Variants in ARMC6 observed in about 807,000 individuals in gnomAD.
ARMC6 encodes the protein armadillo repeat containing 6, also known as armadillo repeat-containing protein 6.
Under a neutral mutation model 49.2 loss-of-function variants are expected in ARMC6, and 43 were observed. The ratio of observed to expected loss-of-function variants is 0.87; its 90% CI spans 0.69 to 1.13. The LOEUF is 1.13. Among genes scored for constraint, ARMC6 ranks in the 50% most tolerant of loss-of-function variants. The pLI is 0.00. For missense variants in ARMC6, 627 were observed against 682.0 expected (o/e 0.92, Z 0.90); for synonymous variants, 262 against 289.6 (o/e 0.90, Z 0.97).
At chr19:19,051,006 A>T (rs1403869319) in intron 4 of ARMC6, among the ~76,000 whole-genome samples, 1 of 152,234 alleles carries the variant, frequency 6.6e-6, no homozygotes, top group African/African-American at 2.4e-5. Flanking sequence ...TTGAATTTGG[A>T]TAAATCTGCT....
In ARMC6 at chr19:19,055,127, AC is replaced by A. The variant is rs2059532335; in HGVS notation, c.1024-134del. On this transcript the variant is annotated intron_variant, in intron 6 of 8. Coordinates refer to ENST00000535612, the MANE Select transcript of ARMC6 (RefSeq NM_001199196.2). The surrounding 1 kb of genome is among the most constrained non-coding windows in gnomAD (Gnocchi z 5.7). ...GCAGCCTGAGCCACAGGCATCTGCC[AC>A]CCCTTCTCGTTAGTCACACCCTGCA... The A allele has an allele frequency of 8.7e-7, 1 of 1,144,072 alleles. No individual in the cohort carries two copies. Among genetic ancestry groups the A allele is most frequent in the Non-Finnish European group, 1.2e-6 (1 of 836,782 alleles). 70.9% of individuals were successfully genotyped at this position (1,144,072 alleles called of 1,614,324 possible). A position where few individuals can be genotyped will look rare whatever the true frequency, so the allele number is the denominator to read the frequency against.
At chr19:19,043,647 G>A (rs1307796780) in intron 3 of ARMC6, among the ~76,000 whole-genome samples, 4 of 152,104 alleles carry the variant, frequency 2.6e-5, no homozygotes, top group African/African-American at 7.2e-5. Flanking sequence ...GGAGGGATGG[G>A]AGCCCCAAGG....
intron 8 of ARMC6, among the ~76,000 whole-genome samples, chr19:19,056,572 T>A (rs901029826): frequency 1.2e-4 from 19 of 152,152 alleles, no homozygotes; most frequent in African/African-American, 3.9e-4. Context: ...TCTCCTTTTT[T>A]AAAAGTCCCT....
intron 2 of ARMC6, among the ~76,000 whole-genome samples, chr19:19,035,648 G>A (rs1167468546): frequency 1.3e-5 from 2 of 152,176 alleles, no homozygotes; most frequent in African/African-American, 4.8e-5. Flanking sequence ...TTGTGGGTTG[G>A]GGAGTGAAGC....
intron 4 of ARMC6, among the ~76,000 whole-genome samples, chr19:19,047,606 C>T (rs890187871): frequency 2.0e-5 from 3 of 152,144 alleles, no homozygotes; most frequent in Non-Finnish European, 2.9e-5. Context: ...AGGTGGTGAG[C>T]GCCACAGAAA....
chr19:19,055,179 A>C lies in ARMC6; in HGVS notation c.1024-86A>C, dbSNP rs1240593346. The stretch of plus-strand genomic sequence containing the variant: ...GTCACACCATACCTGTTGGTCAAAC[A>C]GCAAAACAGCCCCACATTCTCCCTC... On this transcript the variant is annotated intron_variant, in intron 6 of 8. Coordinates refer to ENST00000535612, the MANE Select transcript of ARMC6 (RefSeq NM_001199196.2). This position sits in a 1 kb window ranked among gnomAD's most constrained non-coding sequence, Gnocchi z 5.7. The C allele has an allele frequency of 8.1e-6, 12 of 1,484,758 alleles. No individual in the cohort carries two copies. The highest frequency in any genetic ancestry group is 1.4e-5 in the African/African-American group (1 of 70,610). The allele number at this position is 1,484,758 out of a possible 1,614,324, so 92.0% of individuals were successfully genotyped here.
rs1003975667 is a variant in ARMC6 at position 19,058,163 on chromosome 19, T to C, written c.*535T>C. On this transcript the variant is annotated 3_prime_UTR_variant, in exon 9 of 9. Coordinates refer to ENST00000535612, the MANE Select transcript of ARMC6 (RefSeq NM_001199196.2). ...CAGGATACCTGATAATAAAAGATCATTGGGTGAACAGCGGAGGGGTCTCTT... is the reference window on the plus strand; with the variant it reads ...CAGGATACCTGATAATAAAAGATCACTGGGTGAACAGCGGAGGGGTCTCTT... 4.0e-5 allele frequency: 7 copies of C among 175,760 alleles called. No individual in the cohort carries two copies. Among genetic ancestry groups the C allele is most frequent in the African/African-American group, 1.2e-4 (5 of 41,794 alleles). The allele number at this position is 175,760 out of a possible 1,614,324, so 10.9% of individuals were successfully genotyped here. A position where few individuals can be genotyped will look rare whatever the true frequency, so the allele number is the denominator to read the frequency against.
intron 4 of ARMC6, 99 bp downstream of exon 4, chr19:19,044,173 A>G: frequency 8.1e-7 from 1 of 1,241,642 alleles, no homozygotes; most frequent in South Asian, 1.2e-5. Context: ...TCTGAAGGTC[A>G]TGCCCTCCCC....
At chr19:19,039,904 T>A (rs113967836) in intron 2 of ARMC6, among the ~76,000 whole-genome samples, 3 of 152,346 alleles carry the variant, frequency 2.0e-5, no homozygotes, top group African/African-American at 7.2e-5. Flanking sequence ...CACATCCCCA[T>A]GGTGTTGGTT....
At chr19:19,040,078 A>G (rs2059399725) in intron 2 of ARMC6, among the ~76,000 whole-genome samples, 1 of 152,268 alleles carries the variant, frequency 6.6e-6, no homozygotes, top group African/African-American at 2.4e-5. Flanking sequence ...TGTACTAGGC[A>G]GTGCAGATAG....
chr19:19,056,009 G>T lies in ARMC6; in HGVS notation c.1293+81G>T, dbSNP rs373373188. On this transcript the variant is annotated intron_variant, in intron 8 of 8. Coordinates refer to ENST00000535612, the MANE Select transcript of ARMC6 (RefSeq NM_001199196.2). ...GCAGAGAGGGCATGGGAGCAGGTGCGGTGTGCGGGTGGGTGATGGGGCAAA... is the reference window on the plus strand; with the variant it reads ...GCAGAGAGGGCATGGGAGCAGGTGCTGTGTGCGGGTGGGTGATGGGGCAAA... The T allele has an allele frequency of 5.1e-5, 74 of 1,465,038 alleles. No homozygotes were observed. The South Asian group carries it at 8.6e-4, about 17-fold the overall frequency. 90.8% of individuals were successfully genotyped at this position (1,465,038 alleles called of 1,614,324 possible).
At chr19:19,044,915 T>A (rs1229633771) in intron 4 of ARMC6, among the ~76,000 whole-genome samples, 1 of 152,246 alleles carries the variant, frequency 6.6e-6, no homozygotes, top group East Asian at 1.9e-4. Flanking sequence ...TCCTGCCCTC[T>A]CCTGCCTTGA....
At chr19:19,034,858 C>A (rs547453839) in intron 2 of ARMC6, among the ~76,000 whole-genome samples, 1 of 150,730 alleles carries the variant, frequency 6.6e-6, no homozygotes, top group Non-Finnish European at 1.5e-5. Flanking sequence ...CACTATCTTG[C>A]CTGGCCTTTT....
chr19:19,051,406 TG>T (rs2059495658), intron 4 of ARMC6, among the ~76,000 whole-genome samples: 1 of 151,402 alleles, frequency 6.6e-6, no homozygotes, highest in African/African-American at 2.4e-5. Flanking sequence ...TGTGTGTGTG[TG>T]TGTGTGTGTC....
Position 19,055,352 on chromosome 19 carries a change from G to T in ARMC6, c.1111G>T (p.Glu371Ter). The change falls in exon 7 of 9, where the codon GAG (glutamate) becomes TAG (stop). Residue 371 changes from glutamate (E) to a stop codon, truncating the protein, a stop_gained. Transcript: ENST00000535612. LOFTEE classifies it high-confidence loss of function. This position sits in a 1 kb window ranked among gnomAD's most constrained non-coding sequence, Gnocchi z 5.7. ...TGCTATTGTCCGTGCTGGTGGGACG[G>T]AGTCCATCGTGGCTGCTATGACCCA... Reference protein sequence around the residue: ...KDAIVRAGGTESIVAAMTQHL... With the variant: ...KDAIVRAGGT 1 of 1,613,222 alleles carries T rather than the reference G, an allele frequency of 6.2e-7. No individual in the cohort carries two copies. Among genetic ancestry groups the T allele is most frequent in the Non-Finnish European group, 8.5e-7 (1 of 1,179,568 alleles).
At chr19:19,051,373 CTCTGTGTGTGTGTGTGTGTGTG>C (rs1430549634) in intron 4 of ARMC6, among the ~76,000 whole-genome samples, 1 of 115,052 alleles carries the variant, frequency 8.7e-6, no homozygotes, top group Non-Finnish European at 1.8e-5. Flanking sequence ...CTCTCTCTCT[CTCTGTGTGTGTGTGTGTGTGTG>C]TGTGTGTGTG....
Position 19,054,320 on chromosome 19 carries a change from A to G in ARMC6, c.1022A>G (p.Gln341Arg). ...CAGATGAGGGACCAGAGCGGCGTTC[A>G]GGTATGAAGTCCCCCTGGCCCATTG... is the stretch of plus-strand genomic sequence containing the variant. ...DHQMRDQSGV[Q>R]ELVKQVLSTL... Residue 341 changes from glutamine (Q) to arginine (R), a missense_variant and splice_region_variant, in exon 6 of 9, where the codon CAG (glutamine) becomes CGG (arginine). By Grantham distance (43) the Gln-to-Arg change is conservative (BLOSUM62 1). Coordinates refer to ENST00000535612, the MANE Select transcript of ARMC6 (RefSeq NM_001199196.2). The G allele has an allele frequency of 3.2e-6, 5 of 1,572,844 alleles. No individual in the cohort carries two copies. Among genetic ancestry groups the G allele is most frequent in the Non-Finnish European group, 4.3e-6 (5 of 1,158,316 alleles).
chr19:19,043,614 G>A (rs1295473155), intron 3 of ARMC6, among the ~76,000 whole-genome samples: 1 of 152,124 alleles, frequency 6.6e-6, no homozygotes. Flanking sequence ...GTGCCAGCAG[G>A]GGCAAGAATG....
Position 19,055,946 on chromosome 19 carries a change from T to C in ARMC6, c.1293+18T>C. On this transcript the variant is annotated intron_variant, in intron 8 of 8. Transcript: ENST00000535612. This position sits in a 1 kb window ranked among gnomAD's most constrained non-coding sequence, Gnocchi z 5.7. Reference sequence around the variant, plus strand: ...GCGTGCAGGTGGGCAGGGCAGGGGATGGGGGCAGGCAGGCTGGTGTGGGAT... The same window carrying C: ...GCGTGCAGGTGGGCAGGGCAGGGGACGGGGGCAGGCAGGCTGGTGTGGGAT... 6.2e-7 allele frequency: 1 copy of C among 1,600,806 alleles called. No homozygotes were observed. The highest frequency in any genetic ancestry group is 1.1e-5 in the South Asian group (1 of 90,522).
Sources: allele counts gnomAD v4.1 joint callset (sites outside exome capture counted in the v4.1 genomes callset), GRCh38; gene constraint gnomAD v4.1.1; non-coding constraint Gnocchi (gnomAD v3.1); transcripts MANE v1.5; gene names NCBI Gene and HGNC (gene_info 2026-07-23, HGNC 2026-07-21).